The following TM9SF2 variants were observed in gnomAD, a reference collection of about 807,000 sequenced individuals.
TM9SF2 encodes the protein transmembrane 9 superfamily member 2, also known as 76 kDa membrane protein.
TM9SF2 carries 13 observed loss-of-function variants against 84.9 expected under a neutral mutation model. The observed-to-expected ratio is 0.15, with a 90% CI of 0.10 to 0.24. The LOEUF is 0.24. Among genes scored for constraint, TM9SF2 ranks in the 10% least tolerant of loss-of-function variants. The probability of loss-of-function intolerance (pLI) is 1.00; values close to 1 mark genes in which losing one functional copy is unlikely to be tolerated. For missense variants in TM9SF2, 562 were observed against 818.5 expected (o/e 0.69, Z 3.82); for synonymous variants, 273 against 285.8 (o/e 0.96, Z 0.45).
intron 4 of TM9SF2, among the ~76,000 whole-genome samples, chr13:99,534,001 A>G (rs1227122871): frequency 6.6e-6 from 1 of 152,180 alleles, no homozygotes; most frequent in Non-Finnish European, 1.5e-5. Flanking sequence ...GCTTTAGCAC[A>G]TAATTTGAGG....
chr13:99,561,498 T>C (rs1266797014), intron 16 of TM9SF2, among the ~76,000 whole-genome samples: 5 of 152,244 alleles, frequency 3.3e-5, no homozygotes, highest in African/African-American at 9.6e-5. Flanking sequence ...TTTCTGAAAT[T>C]AACCCCAGCC....
chr13:99,508,439 A>ACACACACACACC (rs1173676529), intron 1 of TM9SF2, among the ~76,000 whole-genome samples: 43 of 151,442 alleles, frequency 2.8e-4, no homozygotes, highest in Non-Finnish European at 3.7e-4. Context: ...ACACACACAC[A>ACACACACACACC]CACACCCCAG....
At chr13:99,502,575 C>T (rs1031948758) in intron 1 of TM9SF2, among the ~76,000 whole-genome samples, 1 of 152,200 alleles carries the variant, frequency 6.6e-6, no homozygotes, top group African/African-American at 2.4e-5. Context: ...TGATCTCTTA[C>T]AACATTCACA....
intron 3 of TM9SF2, among the ~76,000 whole-genome samples, chr13:99,528,415 T>A (rs1477793032): frequency 6.6e-6 from 1 of 152,238 alleles, no homozygotes; most frequent in Non-Finnish European, 1.5e-5. Flanking sequence ...TAGGAAGCAC[T>A]AAACAGATGT....
intron 5 of TM9SF2, among the ~76,000 whole-genome samples, chr13:99,536,940 C>G (rs750358198): frequency 3.3e-5 from 5 of 152,086 alleles, no homozygotes; most frequent in Non-Finnish European, 5.9e-5. Context: ...AGATTCAGTT[C>G]AACATTTACT....
At chr13:99,522,290 A>G (rs1690710775) in intron 3 of TM9SF2, among the ~76,000 whole-genome samples, 1 of 152,182 alleles carries the variant, frequency 6.6e-6, no homozygotes, top group Non-Finnish European at 1.5e-5. Flanking sequence ...CAAAGTGCTG[A>G]GATTACAGGC....
At position 99,558,587 on chromosome 13, in the gene TM9SF2, C is replaced by G. The variant is rs78373769; in HGVS notation, c.1753-776C>G. 6.1e-3 allele frequency among the ~76,000 whole-genome samples: 924 copies of G among 152,146 alleles called. 8 individuals carry two copies. The highest frequency in any genetic ancestry group is 0.02 in the African/African-American group (849 of 41,506). ...CCTAGGTATTTTATTCTTTTGGGTGCTATTTTAAATGGAATTGGGTTTTTA... is the reference window on the plus strand; with the variant it reads ...CCTAGGTATTTTATTCTTTTGGGTGGTATTTTAAATGGAATTGGGTTTTTA... On this transcript the variant is annotated intron_variant, in intron 15 of 16. Transcript: ENST00000376387.
At chr13:99,520,006 T>TAA in intron 2 of TM9SF2, 30 bp from the exon 3 acceptor site, 1 of 1,599,760 alleles carries the variant, frequency 6.3e-7, no homozygotes, top group South Asian at 1.1e-5. Flanking sequence ...TTCCCTTTTA[T>TAA]GTGTAAAAAT....
intron 3 of TM9SF2, among the ~76,000 whole-genome samples, chr13:99,526,502 G>A (rs762801247): frequency 2.6e-5 from 4 of 152,180 alleles, no homozygotes; most frequent in Non-Finnish European, 5.9e-5. Context: ...AGGATCTGTC[G>A]ATTTAAGTGG....
rs773552636 is a variant in TM9SF2, at chr13:99,554,353, A to G, written c.1538A>G (p.Glu513Gly). ...AATCAGATTCCACGTCAGATTCCTGAACAGTCGTTCTACACGAAGCCCTTG... is the reference window on the plus strand; with the variant it reads ...AATCAGATTCCACGTCAGATTCCTGGACAGTCGTTCTACACGAAGCCCTTG... ...RTNQIPRQIP[E>G]QSFYTKPLPG... The change falls in exon 14 of 17, where the codon GAA (glutamate) becomes GGA (glycine). Residue 513 changes from glutamate to glycine, a missense_variant. Glu to Gly is a moderately conservative substitution (Grantham distance 98). Coordinates refer to ENST00000376387, the MANE Select transcript of TM9SF2 (RefSeq NM_004800.3). The G allele has an allele frequency of 1.2e-6, 2 of 1,614,122 alleles. No homozygotes were observed. Among genetic ancestry groups the G allele is most frequent in the Admixed American group, 3.3e-5 (2 of 60,024 alleles).
At chr13:99,527,483 C>T (rs1566566665) in intron 3 of TM9SF2, among the ~76,000 whole-genome samples, 1 of 152,182 alleles carries the variant, frequency 6.6e-6, no homozygotes, top group Non-Finnish European at 1.5e-5. Flanking sequence ...AGCTCACTCA[C>T]TATCACAAGA....
chr13:99,517,758 C>T, intron 2 of TM9SF2, 77 bp downstream of exon 2: 1 of 997,898 alleles, frequency 1.0e-6, no homozygotes, highest in Non-Finnish European at 1.5e-6. Flanking sequence ...ACTTTGTTTT[C>T]TCACAGTTAT....
At chr13:99,506,736 GT>G (rs2046090154) in intron 1 of TM9SF2, among the ~76,000 whole-genome samples, 1 of 152,112 alleles carries the variant, frequency 6.6e-6, no homozygotes, top group Non-Finnish European at 1.5e-5. Context: ...ACAGATATAT[GT>G]TCCACACCTC....
At chr13:99,539,330 GAAT>G in intron 6 of TM9SF2, 113 bp from the exon 7 acceptor site, 1 of 687,354 alleles carries the variant, frequency 1.5e-6, no homozygotes, top group Non-Finnish European at 2.6e-6. Flanking sequence ...AGTGTGACAT[GAAT>G]AATTTCACCT....
intron 1 of TM9SF2, among the ~76,000 whole-genome samples, chr13:99,503,732 A>T (rs9557246): frequency 0.08 from 11,627 of 146,078 alleles, 1,054 homozygotes; most frequent in East Asian, 0.49. Context: ...AAAAAAAAAA[A>T]GAAGAAGAAG....
At chr13:99,532,902 G>A (rs138209199) in intron 4 of TM9SF2, among the ~76,000 whole-genome samples, 3 of 152,288 alleles carry the variant, frequency 2.0e-5, no homozygotes, top group Non-Finnish European at 4.4e-5. Context: ...GGTAAATAAT[G>A]ATTTTGCAGT....
At chr13:99,530,341 G>A (rs769412138) in intron 4 of TM9SF2, among the ~76,000 whole-genome samples, 1 of 152,186 alleles carries the variant, frequency 6.6e-6, no homozygotes, top group Non-Finnish European at 1.5e-5. Flanking sequence ...GGAGAATGGC[G>A]TGAACCCCAG....
At chr13:99,547,862 A>G (rs1054044880) in intron 11 of TM9SF2, among the ~76,000 whole-genome samples, 2 of 152,204 alleles carry the variant, frequency 1.3e-5, no homozygotes, top group African/African-American at 4.8e-5. Context: ...CAGTAGAGTT[A>G]CGTGGACAAC....
chr13:99,515,894 G>C (rs1288558332), intron 1 of TM9SF2, among the ~76,000 whole-genome samples: 1 of 151,968 alleles, frequency 6.6e-6, no homozygotes, highest in Non-Finnish European at 1.5e-5. Flanking sequence ...CAATACACCC[G>C]GCTAATTTTG....
Sources: allele counts gnomAD v4.1 joint callset (sites outside exome capture counted in the v4.1 genomes callset), GRCh38; gene constraint gnomAD v4.1.1; transcripts MANE v1.5; gene names NCBI Gene and HGNC (gene_info 2026-07-23, HGNC 2026-07-21).